Variants in ANKIB1 observed in about 807,000 individuals in gnomAD.
ANKIB1 encodes ankyrin repeat and IBR domain containing 1.
A neutral mutation model predicts 122.1 loss-of-function variants in ANKIB1; 43 were observed. The observed-to-expected ratio is 0.35, with a 90% CI of 0.28 to 0.45. ANKIB1 has a LOEUF of 0.45. Among genes scored for constraint, ANKIB1 ranks in the 20% least tolerant of loss-of-function variants. The probability of loss-of-function intolerance (pLI) is 1.00; values close to 1 mark genes in which losing one functional copy is unlikely to be tolerated. For synonymous variants in ANKIB1, 390 were observed against 442.0 expected (o/e 0.88, Z 1.48); for missense variants, 992 against 1,329.5 (o/e 0.75, Z 3.95).
intron 1 of ANKIB1, among the ~76,000 whole-genome samples, chr7:92,288,384 T>C (rs1357848806): frequency 6.6e-6 from 1 of 152,206 alleles, no homozygotes; most frequent in African/African-American, 2.4e-5. Flanking sequence ...TGTTCATGGA[T>C]TAGGAGACTT....
chr7:92,249,458 C>A (rs895787380), intron 1 of ANKIB1, among the ~76,000 whole-genome samples: 3 of 152,304 alleles, frequency 2.0e-5, no homozygotes, highest in Non-Finnish European at 2.9e-5. Context: ...CTGTGGCTCA[C>A]GCCTGTAATC....
At chr7:92,375,951 C>T (rs55660961) in intron 11 of ANKIB1, among the ~76,000 whole-genome samples, 5,222 of 152,300 alleles carry the variant, frequency 0.034, 263 homozygotes, top group African/African-American at 0.11. Flanking sequence ...TTGTACATCT[C>T]CATCAGAGCT....
At chr7:92,317,513 A>G (rs1802817740) in intron 3 of ANKIB1, among the ~76,000 whole-genome samples, 1 of 152,190 alleles carries the variant, frequency 6.6e-6, no homozygotes, top group African/African-American at 2.4e-5. Flanking sequence ...TCTGTAAAGG[A>G]CCAGATAGTA....
At chr7:92,363,506 G>A (rs943410598) in intron 10 of ANKIB1, among the ~76,000 whole-genome samples, 2 of 152,182 alleles carry the variant, frequency 1.3e-5, no homozygotes, top group African/African-American at 2.4e-5. Context: ...GGAAGCAGTC[G>A]GACATTGCGG....
At chr7:92,300,753 A>G (rs1802442266) in intron 2 of ANKIB1, among the ~76,000 whole-genome samples, 1 of 152,112 alleles carries the variant, frequency 6.6e-6, no homozygotes, top group Non-Finnish European at 1.5e-5. Context: ...AGTATATAAT[A>G]TATAATTATT....
chr7:92,298,820 G>T lies in ANKIB1; in HGVS notation c.188+3654G>T, dbSNP rs188432718. Among the ~76,000 whole-genome samples, 54 of 138,946 alleles carry T rather than the reference G, an allele frequency of 3.9e-4. No individual in the cohort carries two copies. The East Asian group carries it at 8.9e-3, about 23-fold the overall frequency. 91.2% of individuals were successfully genotyped at this position (138,946 alleles called of 152,430 possible). ...TCCCCTAAAAAAATCCTCGATTAAA[G>T]CAGTAAAATTAATTTTAATTAATCT... On this transcript the variant is annotated intron_variant, in intron 2 of 19. Coordinates refer to ENST00000265742, the MANE Select transcript of ANKIB1 (RefSeq NM_019004.2).
In ANKIB1 at chr7:92,360,429, A is replaced by G. The variant is rs528841943; in HGVS notation, c.1398-1756A>G. ...ATTCCTTCTTATGGCTGAATATTCAATTGTGTGAACGTGTGTGTGTGTTTG... is the reference window on the plus strand; with the variant it reads ...ATTCCTTCTTATGGCTGAATATTCAGTTGTGTGAACGTGTGTGTGTGTTTG... On this transcript the variant is annotated intron_variant, in intron 9 of 19. Transcript: ENST00000265742. Among the ~76,000 whole-genome samples the G allele has an allele frequency of 1.6e-4, 24 of 152,216 alleles. No individual in the cohort carries two copies. The East Asian group carries it at 3.5e-3, about 22-fold the overall frequency.
At chr7:92,351,908 A>G (rs1370857897) in intron 8 of ANKIB1, among the ~76,000 whole-genome samples, 1 of 151,694 alleles carries the variant, frequency 6.6e-6, no homozygotes, top group Non-Finnish European at 1.5e-5. Flanking sequence ...TTTAGTAGAG[A>G]TGGGGTTTCT....
At chr7:92,338,934 ATATAT>A (rs1243644057) in intron 5 of ANKIB1, among the ~76,000 whole-genome samples, 14 of 13,488 alleles carry the variant, frequency 1.0e-3, no homozygotes, top group East Asian at 3.6e-3. Context: ...AAAAAAAAAA[ATATAT>A]ATATATATAT....
intron 5 of ANKIB1, among the ~76,000 whole-genome samples, chr7:92,340,177 C>G (rs765661831): frequency 7.2e-5 from 11 of 152,076 alleles, no homozygotes; most frequent in Non-Finnish European, 1.5e-4. Flanking sequence ...AGCTGTCTTT[C>G]TGCAGCTGTT....
intron 14 of ANKIB1, among the ~76,000 whole-genome samples, chr7:92,388,632 C>T (rs535857074): frequency 6.6e-6 from 1 of 152,234 alleles, no homozygotes; most frequent in East Asian, 1.9e-4. Flanking sequence ...TAACCCACAA[C>T]GACCACACAG....
intron 11 of ANKIB1, among the ~76,000 whole-genome samples, chr7:92,381,148 A>C (rs1376683522): frequency 6.6e-6 from 1 of 152,224 alleles, no homozygotes; most frequent in Non-Finnish European, 1.5e-5. Flanking sequence ...TCAGTGATTG[A>C]AGATCAAATT....
intron 5 of ANKIB1, among the ~76,000 whole-genome samples, chr7:92,337,791 A>C (rs563204982): frequency 1.3e-5 from 2 of 152,310 alleles, no homozygotes; most frequent in East Asian, 3.9e-4. Context: ...GTAATTACAT[A>C]ATATAATGGA....
chr7:92,328,239 A>G (rs755604879), intron 5 of ANKIB1, among the ~76,000 whole-genome samples: 6 of 152,156 alleles, frequency 3.9e-5, no homozygotes, highest in Non-Finnish European at 7.4e-5. Flanking sequence ...TTTGACATTA[A>G]TTTTTGCTGA....
At position 92,268,257 on chromosome 7, in the gene ANKIB1, C is replaced by T. The variant is rs200262832; in HGVS notation, c.-91+21738C>T. ...CCAGTTCTACTAAACTATGCTTTGA[C>T]TGTGGTGAAAGGGGATTTCTCCAGA... On this transcript the variant is annotated intron_variant, in intron 1 of 19. Coordinates refer to ENST00000265742, the MANE Select transcript of ANKIB1 (RefSeq NM_019004.2). 4.6e-5 allele frequency among the ~76,000 whole-genome samples: 7 copies of T among 152,242 alleles called. No homozygotes were observed. In the East Asian group the frequency reaches 1.2e-3, roughly 25 times the overall value.
intron 1 of ANKIB1, among the ~76,000 whole-genome samples, chr7:92,281,422 T>C (rs577623423): frequency 5.1e-4 from 77 of 152,346 alleles, no homozygotes; most frequent in African/African-American, 1.6e-3. Context: ...ACACCAGCCA[T>C]GGATCAACCT....
intron 2 of ANKIB1, among the ~76,000 whole-genome samples, chr7:92,299,000 G>A (rs1802409717): frequency 6.6e-6 from 1 of 152,132 alleles, no homozygotes; most frequent in African/African-American, 2.4e-5. Context: ...TTTTTTAATG[G>A]AACAGCATTT....
intron 1 of ANKIB1, among the ~76,000 whole-genome samples, chr7:92,293,335 T>C (rs1802289361): frequency 6.6e-6 from 1 of 152,190 alleles, no homozygotes; most frequent in African/African-American, 2.4e-5. Context: ...CATATTATTT[T>C]CACCTGTGTT....
At chr7:92,354,061 A>G (rs139111260) in intron 9 of ANKIB1, among the ~76,000 whole-genome samples, 20 of 152,322 alleles carry the variant, frequency 1.3e-4, no homozygotes, top group African/African-American at 4.3e-4. Flanking sequence ...GGTTTCTGTG[A>G]TCTAGCTTTT....
Sources: gnomAD v4.1 joint callset for allele counts (sites outside exome capture counted in the v4.1 genomes callset) on GRCh38, gnomAD v4.1.1 for gene constraint, MANE v1.5 for transcripts, NCBI Gene and HGNC (gene_info 2026-07-23, HGNC 2026-07-21) for gene names.